The following GRK3 variants were observed in gnomAD, a reference collection of about 807,000 sequenced individuals.
GRK3 encodes G protein-coupled receptor kinase 3.
GRK3 carries 54 observed loss-of-function variants against 95.7 expected under a neutral mutation model. That is an observed-to-expected ratio of 0.56 (90% CI 0.45 to 0.71). GRK3 has a LOEUF of 0.71. GRK3 is among the 30% of genes least tolerant of loss of function. GRK3 has a pLI of 0.00. For synonymous variants in GRK3, 281 were observed against 290.8 expected (o/e 0.97, Z 0.34); for missense variants, 649 against 851.2 (o/e 0.76, Z 2.96).
At chr22:25,671,197 C>G (rs1313185250) in intron 6 of GRK3, among the ~76,000 whole-genome samples, 1 of 129,968 alleles carries the variant, frequency 7.7e-6, no homozygotes, top group African/African-American at 2.9e-5. Context: ...AAAAATTAGT[C>G]CACGTGGTGG....
chr22:25,674,965 A>G (rs1160627344), intron 8 of GRK3, among the ~76,000 whole-genome samples: 2 of 151,896 alleles, frequency 1.3e-5, no homozygotes, highest in Non-Finnish European at 2.9e-5. Flanking sequence ...AAAAAGCTGT[A>G]TTTTGTTAAG....
intron 2 of GRK3, among the ~76,000 whole-genome samples, chr22:25,606,157 T>C (rs2084444835): frequency 6.6e-6 from 1 of 152,240 alleles, no homozygotes; most frequent in Non-Finnish European, 1.5e-5. Flanking sequence ...CACGGATTGT[T>C]CTCTGAGAGC....
At chr22:25,607,060 C>G (rs183815610) in intron 2 of GRK3, among the ~76,000 whole-genome samples, 214 of 152,070 alleles carry the variant, frequency 1.4e-3, no homozygotes, top group African/African-American at 5.0e-3. Flanking sequence ...ATAATTAACC[C>G]CATATGTATG....
chr22:25,587,048 C>G (rs1447417638), intron 1 of GRK3, among the ~76,000 whole-genome samples: 1 of 152,010 alleles, frequency 6.6e-6, no homozygotes, highest in Non-Finnish European at 1.5e-5. Flanking sequence ...CCACGCCCAG[C>G]TACAGCTAAT....
At chr22:25,608,155 G>A (rs533570417) in intron 2 of GRK3, among the ~76,000 whole-genome samples, 6 of 152,134 alleles carry the variant, frequency 3.9e-5, no homozygotes, top group Non-Finnish European at 8.8e-5. Context: ...CTAATGTTAA[G>A]ACACATAATT....
At chr22:25,717,012 C>T (rs1485507043) in intron 18 of GRK3, among the ~76,000 whole-genome samples, 1 of 152,218 alleles carries the variant, frequency 6.6e-6, no homozygotes, top group African/African-American at 2.4e-5. Flanking sequence ...ACCATTCCCC[C>T]ATCCCCGTCT....
chr22:25,606,355 C>T (rs2084446736), intron 2 of GRK3, among the ~76,000 whole-genome samples: 2 of 152,324 alleles, frequency 1.3e-5, no homozygotes, highest in Admixed American at 6.5e-5. Context: ...GGAGAGCGCA[C>T]ACCACCATCT....
At chr22:25,603,958 T>C (rs551247349) in intron 1 of GRK3, among the ~76,000 whole-genome samples, 2 of 152,344 alleles carry the variant, frequency 1.3e-5, no homozygotes, top group East Asian at 1.9e-4. Flanking sequence ...TAGGGAACTT[T>C]TGCACTTGTT....
At chr22:25,611,516 A>C (rs1425341418) in intron 2 of GRK3, among the ~76,000 whole-genome samples, 2 of 152,138 alleles carry the variant, frequency 1.3e-5, no homozygotes, top group African/African-American at 4.8e-5. Context: ...ATCCATTTGA[A>C]TGGATAGGAA....
intron 1 of GRK3, among the ~76,000 whole-genome samples, chr22:25,595,820 A>C (rs564977073): frequency 6.6e-6 from 1 of 152,060 alleles, no homozygotes; most frequent in East Asian, 1.9e-4. Context: ...GGTGGTGTGC[A>C]CTTACAGTTT....
chr22:25,651,873 C>G (rs1393652393), intron 3 of GRK3, among the ~76,000 whole-genome samples: 2 of 152,138 alleles, frequency 1.3e-5, no homozygotes, highest in Non-Finnish European at 2.9e-5. Context: ...TTTTCGTCTT[C>G]AGTGTCTTAA....
chr22:25,676,090 G>A (rs2085026629), intron 8 of GRK3, among the ~76,000 whole-genome samples: 2 of 152,208 alleles, frequency 1.3e-5, no homozygotes, highest in Admixed American at 1.3e-4. Flanking sequence ...CAGGCTTTCG[G>A]AAGGCTGCTT....
In GRK3 at chr22:25,724,783, C is replaced by T. The variant is rs763572556; in HGVS notation, c.*2333C>T. 3.3e-5 allele frequency: 5 copies of T among 152,186 alleles called. No homozygotes were observed. Among genetic ancestry groups the T allele is most frequent in the Non-Finnish European group, 7.3e-5 (5 of 68,038 alleles). The allele number at this position is 152,186 out of a possible 1,614,324, so 9.4% of individuals were successfully genotyped here. Reference sequence around the variant, plus strand: ...GACCAGACACAGGATACCGCTGTGTCTGCACCCGGTTGCCTGCATGGCCAG... The same window carrying T: ...GACCAGACACAGGATACCGCTGTGTTTGCACCCGGTTGCCTGCATGGCCAG... On this transcript the variant is annotated 3_prime_UTR_variant, in exon 21 of 21. Transcript: ENST00000324198.
chr22:25,712,346 C>T (rs1444222446), intron 17 of GRK3, among the ~76,000 whole-genome samples: 3 of 152,206 alleles, frequency 2.0e-5, no homozygotes, highest in Non-Finnish European at 4.4e-5. Flanking sequence ...AACCAGGCAT[C>T]GTCTGTAGCC....
chr22:25,572,165 T>C lies in GRK3; in HGVS notation c.113+7012T>C, dbSNP rs569710676. 4.6e-5 allele frequency among the ~76,000 whole-genome samples: 7 copies of C among 152,316 alleles called. 1 individual carries two copies. The highest frequency in any genetic ancestry group is 1.7e-4 in the African/African-American group (7 of 41,566). On this transcript the variant is annotated intron_variant, in intron 1 of 20. Coordinates refer to ENST00000324198, the MANE Select transcript of GRK3 (RefSeq NM_005160.4). Reference sequence around the variant, plus strand: ...GAATGATGGTTTCCAGCTTCATCTATGTCCCTACAAAGGACATAAACTCAT... The same window carrying C: ...GAATGATGGTTTCCAGCTTCATCTACGTCCCTACAAAGGACATAAACTCAT...
chr22:25,672,301 A>G lies in GRK3; in HGVS notation c.509A>G (p.Lys170Arg), dbSNP rs889279149. 4.9e-6 allele frequency: 7 copies of G among 1,414,386 alleles called. No individual in the cohort carries two copies. Among genetic ancestry groups the G allele is most frequent in the Non-Finnish European group, 6.9e-6 (7 of 1,017,292 alleles). The allele number at this position is 1,414,386 out of a possible 1,614,324, so 87.6% of individuals were successfully genotyped here. A position where few individuals can be genotyped will look rare whatever the true frequency, so the allele number is the denominator to read the frequency against. ...DIFQKFMESD[K>R]FTRFCQWKNV... ...ATTATTTTATTCTCTTTTAGTGACA[A>G]GTTCACTAGATTTTGTCAGTGGAAA... is the stretch of plus-strand genomic sequence containing the variant. Residue 170 changes from lysine (K) to arginine (R), a missense_variant, in exon 7 of 21, where the codon AAG (lysine) becomes AGG (arginine). By Grantham distance (26) the Lys-to-Arg change is conservative (BLOSUM62 2). This residue lies in a region of GRK3 where 206 missense variants were observed against 231.4 expected (regional missense o/e 0.89). Transcript: ENST00000324198.
At chr22:25,583,780 G>A (rs539042642) in intron 1 of GRK3, among the ~76,000 whole-genome samples, 1 of 152,280 alleles carries the variant, frequency 6.6e-6, no homozygotes, top group African/African-American at 2.4e-5. Flanking sequence ...AATATACCAA[G>A]TATTTGACTC....
At chr22:25,572,783 G>T (rs141282385) in intron 1 of GRK3, among the ~76,000 whole-genome samples, 18 of 152,304 alleles carry the variant, frequency 1.2e-4, no homozygotes, top group African/African-American at 4.3e-4. Context: ...CAAAAATCAT[G>T]ATCTGAAAGC....
rs115313542 is a variant in GRK3 at position 25,597,273 on chromosome 22, T to C, written c.114-7104T>C. 5.1e-3 allele frequency among the ~76,000 whole-genome samples: 775 copies of C among 151,688 alleles called. 5 individuals are homozygous for C. Among genetic ancestry groups the C allele is most frequent in the African/African-American group, 0.018 (732 of 41,364 alleles). On this transcript the variant is annotated intron_variant, in intron 1 of 20. Coordinates refer to ENST00000324198, the MANE Select transcript of GRK3 (RefSeq NM_005160.4). ...ATGGCTGAGAATTTTCCAAAATCAG[T>C]GAAAGATAGAAAGTTGGGAAGGGTA...
Sources: allele counts gnomAD v4.1 joint callset (sites outside exome capture counted in the v4.1 genomes callset), GRCh38; gene constraint gnomAD v4.1.1; regional missense constraint gnomAD v4.1.1; transcripts MANE v1.5; gene names NCBI Gene and HGNC (gene_info 2026-07-23, HGNC 2026-07-21).